CLASP2: variants seen among roughly 807,000 people sequenced by gnomAD.
The protein encoded by CLASP2 is CLIP-associating protein 2.
CLASP2 carries 47 observed loss-of-function variants against 194.4 expected under a neutral mutation model. The observed-to-expected ratio is 0.24, with a 90% CI of 0.19 to 0.31. CLASP2 has a LOEUF of 0.31. Ranked by LOEUF, CLASP2 falls within the 10% of genes least tolerant of loss-of-function variation. The pLI is 1.00. For synonymous variants in CLASP2, 619 were observed against 633.5 expected (o/e 0.98, Z 0.34); for missense variants, 1,445 against 1,823.6 (o/e 0.79, Z 3.78).
intron 27 of CLASP2, among the ~76,000 whole-genome samples, chr3:33,563,103 ACT>A (rs1010823871): frequency 1.3e-5 from 2 of 151,990 alleles, no homozygotes; most frequent in Non-Finnish European, 1.5e-5. Context: ...TACTATCTTT[ACT>A]CTTTTTATTC....
chr3:33,557,515 G>A (rs1576404877), intron 29 of CLASP2, among the ~76,000 whole-genome samples: 2 of 152,100 alleles, frequency 1.3e-5, no homozygotes, highest in Middle Eastern at 6.8e-3. Flanking sequence ...AGGACTATAG[G>A]CATGAACTAC....
chr3:33,699,691 A>G (rs2092231505), intron 1 of CLASP2, among the ~76,000 whole-genome samples: 1 of 152,164 alleles, frequency 6.6e-6, no homozygotes, highest in Non-Finnish European at 1.5e-5. Flanking sequence ...TTTAATTTAT[A>G]AATTTGGCAC....
intron 1 of CLASP2, among the ~76,000 whole-genome samples, chr3:33,711,805 C>A (rs138771308): frequency 9.6e-4 from 146 of 151,968 alleles, no homozygotes; most frequent in Non-Finnish European, 1.9e-3. Flanking sequence ...CAGGGAAATG[C>A]AAATTAAAAC....
chr3:33,518,475 T>C (rs1022619184), intron 34 of CLASP2, among the ~76,000 whole-genome samples: 1 of 152,216 alleles, frequency 6.6e-6, no homozygotes, highest in Non-Finnish European at 1.5e-5. Flanking sequence ...CATAGACTAA[T>C]TTCCTTCCCA....
chr3:33,574,924 T>TTA (rs1296621691), intron 24 of CLASP2, among the ~76,000 whole-genome samples: 1 of 152,130 alleles, frequency 6.6e-6, no homozygotes, highest in Non-Finnish European at 1.5e-5. Context: ...GAGTCAAACT[T>TTA]TAGCCTTGGT....
At chr3:33,550,795 T>C (rs550895462) in intron 30 of CLASP2, among the ~76,000 whole-genome samples, 35 of 152,300 alleles carry the variant, frequency 2.3e-4, no homozygotes, top group East Asian at 1.5e-3. Context: ...TACTGATAAC[T>C]AGTAATTGAT....
chr3:33,582,336 AT>A (rs2066340842), intron 22 of CLASP2, among the ~76,000 whole-genome samples: 1 of 152,188 alleles, frequency 6.6e-6, no homozygotes, highest in Non-Finnish European at 1.5e-5. Context: ...TAAAATACCC[AT>A]TCTTAAATTC....
At chr3:33,674,267 C>G (rs1163638531) in intron 6 of CLASP2, among the ~76,000 whole-genome samples, 1 of 152,150 alleles carries the variant, frequency 6.6e-6, no homozygotes, top group East Asian at 1.9e-4. Flanking sequence ...TGCAATCAAA[C>G]TAGAACTCAG....
intron 37 of CLASP2, among the ~76,000 whole-genome samples, chr3:33,508,589 A>C (rs1277602734): frequency 1.3e-5 from 2 of 152,228 alleles, no homozygotes; most frequent in African/African-American, 4.8e-5. Flanking sequence ...TTGGCTTCCC[A>C]AAGTGCTGGG....
chr3:33,532,746 T>C (rs1298606056), intron 34 of CLASP2, among the ~76,000 whole-genome samples: 13 of 152,168 alleles, frequency 8.5e-5, no homozygotes, highest in East Asian at 3.8e-4. Flanking sequence ...CAGTCTTTAG[T>C]ATGGGACTCT....
In CLASP2 at chr3:33,546,713, C is replaced by T. The variant is rs886209385; in HGVS notation, c.3154-1872G>A. Among the ~76,000 whole-genome samples, 131 of 152,106 alleles carry T rather than the reference C, an allele frequency of 8.6e-4. 2 individuals are homozygous for T. The highest frequency in any genetic ancestry group is 4.0e-4 in the Non-Finnish European group (27 of 68,018). ...AGGTTCCTTTCAACATCAGCTCTAC[C>T]TTTCTTCTTTCTTCTCCCTTATACT... On this transcript the variant is annotated intron_variant, in intron 30 of 38. Coordinates refer to ENST00000682230, the MANE Select transcript of CLASP2 (RefSeq NM_001365631.1).
In CLASP2 at chr3:33,600,606, C is replaced by G. The variant is rs377713313; in HGVS notation, c.1924+2346G>C. Reference sequence around the variant, plus strand: ...TCTGAAAATTAAAAGCAGTAATCAACACACTGTTAACACCTTTGTATATAT... The same window carrying G: ...TCTGAAAATTAAAAGCAGTAATCAAGACACTGTTAACACCTTTGTATATAT... On this transcript the variant is annotated intron_variant, in intron 18 of 38. Transcript: ENST00000682230. 9.2e-5 allele frequency among the ~76,000 whole-genome samples: 14 copies of G among 152,284 alleles called. No individual in the cohort carries two copies. The East Asian group carries it at 2.5e-3, about 27-fold the overall frequency.
At chr3:33,541,728 C>T (rs989505590) in intron 32 of CLASP2, among the ~76,000 whole-genome samples, 5 of 152,130 alleles carry the variant, frequency 3.3e-5, no homozygotes, top group Non-Finnish European at 5.9e-5. Flanking sequence ...TTTCTTTATC[C>T]AGTCTATCAC....
At chr3:33,649,296 A>C (rs1185775314) in intron 7 of CLASP2, among the ~76,000 whole-genome samples, 2 of 152,150 alleles carry the variant, frequency 1.3e-5, no homozygotes, top group East Asian at 3.9e-4. Flanking sequence ...ATTTTTTCCT[A>C]GCACTTATCA....
At chr3:33,594,576 T>G (rs1057065615) in intron 20 of CLASP2, among the ~76,000 whole-genome samples, 3 of 151,728 alleles carry the variant, frequency 2.0e-5, no homozygotes, top group African/African-American at 7.3e-5. Context: ...GTGCATGATC[T>G]CTCAAAGTAT....
intron 1 of CLASP2, among the ~76,000 whole-genome samples, chr3:33,711,979 G>T (rs936310080): frequency 3.3e-5 from 5 of 152,116 alleles, no homozygotes; most frequent in Admixed American, 6.5e-5. Flanking sequence ...CCTAAAAGTA[G>T]AACTACCATT....
chr3:33,596,679 T>C, intron 19 of CLASP2, 32 bp downstream of exon 19: 1 of 1,499,904 alleles, frequency 6.7e-7, no homozygotes, highest in Non-Finnish European at 9.1e-7. Context: ...TCCATAAAAA[T>C]CTTTAGTAGA....
chr3:33,644,666 G>T lies in CLASP2; in HGVS notation c.862+91C>A, dbSNP rs2081977480. Reference sequence around the variant, plus strand: ...AGATCTGCAATCGTGCTGCAGTCATGAATAAACATATTCCTCTGAAGTTCC... The same window carrying T: ...AGATCTGCAATCGTGCTGCAGTCATTAATAAACATATTCCTCTGAAGTTCC... On this transcript the variant is annotated intron_variant, in intron 8 of 38. Transcript: ENST00000682230. The T allele has an allele frequency of 2.9e-6, 4 of 1,387,898 alleles. No individual in the cohort carries two copies. The Admixed American group carries it at 5.8e-5, about 20-fold the overall frequency. 86.0% of individuals were successfully genotyped at this position (1,387,898 alleles called of 1,614,324 possible).
chr3:33,678,635 T>C (rs911993231), intron 6 of CLASP2, among the ~76,000 whole-genome samples: 13 of 152,214 alleles, frequency 8.5e-5, no homozygotes, highest in African/African-American at 3.1e-4. Context: ...CAAGAAATGT[T>C]AAAAAGGAGT....
Sources: gnomAD v4.1 joint callset for allele counts (sites outside exome capture counted in the v4.1 genomes callset) on GRCh38, gnomAD v4.1.1 for gene constraint, MANE v1.5 for transcripts, NCBI Gene and HGNC (gene_info 2026-07-23, HGNC 2026-07-21) for gene names.